RCAN2: variants seen among roughly 807,000 people sequenced by gnomAD.
The protein encoded by RCAN2 is calcipressin-2.
In RCAN2, 9 loss-of-function variants were observed where a neutral mutation model predicts 23.6. The ratio of observed to expected loss-of-function variants is 0.38; its 90% CI spans 0.23 to 0.67. The LOEUF (loss-of-function observed/expected upper bound fraction) is 0.67. Ranked by LOEUF, RCAN2 falls within the 30% of genes least tolerant of loss-of-function variation. The pLI is 0.51. For synonymous variants in RCAN2, 109 were observed against 115.7 expected, an observed-to-expected ratio of 0.94 and a Z score of 0.37; for missense variants, 273 against 302.3, an observed-to-expected ratio of 0.90 and a Z score of 0.72.
chr6:46,454,970 G>T (rs1387141326), intron 2 of RCAN2, among the ~76,000 whole-genome samples: 4 of 152,158 alleles, frequency 2.6e-5, no homozygotes, highest in Non-Finnish European at 5.9e-5. Context: ...TCAGTCTACT[G>T]GGAAGTATTT....
intron 2 of RCAN2, among the ~76,000 whole-genome samples, chr6:46,403,316 T>G (rs1766312509): frequency 6.6e-6 from 1 of 151,908 alleles, no homozygotes; most frequent in African/African-American, 2.4e-5. Flanking sequence ...CTCACACCTG[T>G]AATCCCAGCA....
At chr6:46,386,562 C>G (rs1306864472) in intron 2 of RCAN2, among the ~76,000 whole-genome samples, 1 of 143,486 alleles carries the variant, frequency 7.0e-6, no homozygotes, top group Admixed American at 7.2e-5. Flanking sequence ...GAGCCGAGAT[C>G]GCGCCACTGT....
At chr6:46,484,440 C>A (rs1768943251) in intron 1 of RCAN2, among the ~76,000 whole-genome samples, 1 of 152,172 alleles carries the variant, frequency 6.6e-6, no homozygotes, top group Non-Finnish European at 1.5e-5. Flanking sequence ...AGAAGGGGAG[C>A]TGGTCAAAAC....
chr6:46,445,942 A>C (rs1767691129), intron 2 of RCAN2, among the ~76,000 whole-genome samples: 1 of 152,164 alleles, frequency 6.6e-6, no homozygotes, highest in South Asian at 2.1e-4. Flanking sequence ...ATCACAAGCA[A>C]GTATTCAAAT....
At chr6:46,243,833 C>CAAAAAAAAAA (rs1561823994) in intron 4 of RCAN2, among the ~76,000 whole-genome samples, 1 of 126,306 alleles carries the variant, frequency 7.9e-6, no homozygotes, top group Admixed American at 8.4e-5. Flanking sequence ...AAAAAAAAAA[C>CAAAAAAAAAA]CAAGAAATAA....
At chr6:46,486,310 T>C (rs1768988910) in intron 1 of RCAN2, among the ~76,000 whole-genome samples, 1 of 152,202 alleles carries the variant, frequency 6.6e-6, no homozygotes, top group Admixed American at 6.5e-5. Flanking sequence ...AGATAACGTA[T>C]GTAGCATGCT....
At chr6:46,490,218 T>C (rs1769101121) in intron 1 of RCAN2, among the ~76,000 whole-genome samples, 1 of 152,194 alleles carries the variant, frequency 6.6e-6, no homozygotes, top group African/African-American at 2.4e-5. Context: ...GAGAGAAGTG[T>C]GAGCTGGAAT....
intron 1 of RCAN2, among the ~76,000 whole-genome samples, chr6:46,474,118 G>A (rs1339173872): frequency 6.6e-6 from 1 of 152,024 alleles, no homozygotes; most frequent in Non-Finnish European, 1.5e-5. Context: ...AGGAGAAAGG[G>A]ATTTAGCTGG....
At chr6:46,304,087 C>T (rs1762991989) in intron 2 of RCAN2, among the ~76,000 whole-genome samples, 1 of 152,086 alleles carries the variant, frequency 6.6e-6, no homozygotes, top group Non-Finnish European at 1.5e-5. Context: ...CTAGCTGTTC[C>T]ACATTTTTAC....
chr6:46,238,641 C>T (rs1032334435), intron 4 of RCAN2, among the ~76,000 whole-genome samples: 3 of 152,164 alleles, frequency 2.0e-5, no homozygotes, highest in Non-Finnish European at 4.4e-5. Context: ...GCAGCTTTGA[C>T]CTCTTGGCTC....
intron 1 of RCAN2, among the ~76,000 whole-genome samples, chr6:46,467,255 A>G (rs1768412248): frequency 6.6e-6 from 1 of 152,252 alleles, no homozygotes. Context: ...AATGGAATTC[A>G]AAGAGCTCTG....
At chr6:46,325,421 A>T (rs1012760677) in intron 2 of RCAN2, 1 of 1,614,112 alleles carries the variant, frequency 6.2e-7, no homozygotes, top group African/African-American at 1.3e-5. Flanking sequence ...AAAGACCTCG[A>T]CATCCACCAC....
At chr6:46,439,605 AC>A (rs1190032936) in intron 2 of RCAN2, among the ~76,000 whole-genome samples, 2 of 152,180 alleles carry the variant, frequency 1.3e-5, no homozygotes, top group Non-Finnish European at 2.9e-5. Flanking sequence ...TTTGAAAGGG[AC>A]CACACTTACT....
chr6:46,319,651 A>G (rs1222864916), intron 2 of RCAN2, among the ~76,000 whole-genome samples: 1 of 152,226 alleles, frequency 6.6e-6, no homozygotes, highest in Non-Finnish European at 1.5e-5. Flanking sequence ...CCTCTCTCTG[A>G]AAGATGTTTG....
intron 4 of RCAN2, among the ~76,000 whole-genome samples, chr6:46,228,483 G>T (rs1367441255): frequency 6.6e-6 from 1 of 152,128 alleles, no homozygotes; most frequent in African/African-American, 2.4e-5. Flanking sequence ...ATATATTTAG[G>T]ATAGTTAGCT....
chr6:46,223,443 T>C lies in RCAN2; in HGVS notation c.572-142A>G, dbSNP rs1321933217. Reference sequence around the variant, plus strand: ...TCTTATGCAGGGATGGCACAGGGTGTTGGCAAGTGGAAAGAGATCAATTTC... The same window carrying C: ...TCTTATGCAGGGATGGCACAGGGTGCTGGCAAGTGGAAAGAGATCAATTTC... On this transcript the variant is annotated intron_variant, in intron 4 of 4. Coordinates refer to ENST00000371374, the MANE Select transcript of RCAN2 (RefSeq NM_001251974.2). 4.6e-5 allele frequency: 33 copies of C among 724,876 alleles called. No individual in the cohort carries two copies. In the Admixed American group the frequency reaches 9.3e-4, roughly 20 times the overall value. The allele number at this position is 724,876 out of a possible 1,614,324, so 44.9% of individuals were successfully genotyped here. A position where few individuals can be genotyped will look rare whatever the true frequency, so the allele number is the denominator to read the frequency against.
intron 2 of RCAN2, among the ~76,000 whole-genome samples, chr6:46,449,169 T>C (rs1346434576): frequency 1.3e-5 from 2 of 151,738 alleles, no homozygotes; most frequent in Non-Finnish European, 3.0e-5. Flanking sequence ...TCAGTAGCAT[T>C]TCTATATACT....
chr6:46,380,739 A>T (rs2150393381), intron 2 of RCAN2, among the ~76,000 whole-genome samples: 1 of 152,340 alleles, frequency 6.6e-6, no homozygotes, highest in East Asian at 1.9e-4. Flanking sequence ...TTTGATTTCC[A>T]ATCTGCAAAA....
intron 2 of RCAN2, among the ~76,000 whole-genome samples, chr6:46,254,345 T>A (rs749369982): frequency 3.3e-5 from 5 of 152,026 alleles, no homozygotes; most frequent in Non-Finnish European, 5.9e-5. Flanking sequence ...GGGTACAACA[T>A]AATGGTCAGA....
Sources: gnomAD v4.1 joint callset for allele counts (sites outside exome capture counted in the v4.1 genomes callset) on GRCh38, gnomAD v4.1.1 for gene constraint, MANE v1.5 for transcripts, NCBI Gene and HGNC (gene_info 2026-07-23, HGNC 2026-07-21) for gene names.